ZNF385D: variants seen among roughly 807,000 people sequenced by gnomAD.
ZNF385D encodes zinc finger protein 659.
In ZNF385D, 15 loss-of-function variants were observed where a neutral mutation model predicts 35.8. The observed-to-expected ratio is 0.42, with a 90% CI of 0.28 to 0.64. The LOEUF is 0.64. ZNF385D is among the 30% of genes least tolerant of loss of function. The pLI is 0.23. For synonymous variants in ZNF385D, 212 were observed against 186.8 expected, an observed-to-expected ratio of 1.13 and a Z score of -1.10; for missense variants, 474 against 494.6, an observed-to-expected ratio of 0.96 and a Z score of 0.39.
At chr3:21,537,281 T>C (rs556388782) in intron 3 of ZNF385D, among the ~76,000 whole-genome samples, 2 of 151,714 alleles carry the variant, frequency 1.3e-5, no homozygotes, top group South Asian at 2.1e-4. Flanking sequence ...TACAGGTGCC[T>C]GCCACCACAC....
intron 2 of ZNF385D, among the ~76,000 whole-genome samples, chr3:22,317,104 C>A (rs995688462): frequency 1.3e-5 from 2 of 151,404 alleles, no homozygotes; most frequent in Non-Finnish European, 2.9e-5. Context: ...ATGGAGAAAC[C>A]CCTTCTCTAC....
At chr3:22,178,991 T>C (rs1163021440) in intron 2 of ZNF385D, among the ~76,000 whole-genome samples, 1 of 152,138 alleles carries the variant, frequency 6.6e-6, no homozygotes, top group African/African-American at 2.4e-5. Context: ...ACAGTAGCCT[T>C]GTAGTATAGT....
intron 2 of ZNF385D, among the ~76,000 whole-genome samples, chr3:22,183,038 A>C (rs1695390178): frequency 6.6e-6 from 1 of 152,152 alleles, no homozygotes; most frequent in South Asian, 2.1e-4. Context: ...AGACCTGAAA[A>C]GGAGGCAAGG....
At chr3:21,912,535 C>G (rs572476121) in intron 3 of ZNF385D, among the ~76,000 whole-genome samples, 31 of 152,048 alleles carry the variant, frequency 2.0e-4, no homozygotes, top group African/African-American at 6.5e-4. Flanking sequence ...TGCTTTGAAC[C>G]AGGCATTGTG....
intron 3 of ZNF385D, among the ~76,000 whole-genome samples, chr3:22,043,607 G>C (rs1304692810): frequency 8.3e-6 from 1 of 120,710 alleles, no homozygotes; most frequent in African/African-American, 3.0e-5. Flanking sequence ...AGACATTATA[G>C]TCCCTGCCTT....
chr3:22,204,634 G>C (rs1381012961), intron 2 of ZNF385D, among the ~76,000 whole-genome samples: 1 of 152,038 alleles, frequency 6.6e-6, no homozygotes. Context: ...AAAGAATTTA[G>C]AATTCTACCA....
intron 2 of ZNF385D, among the ~76,000 whole-genome samples, chr3:22,341,128 G>GAAAGTTT (rs1460549087): frequency 6.6e-6 from 1 of 152,152 alleles, no homozygotes; most frequent in East Asian, 1.9e-4. Flanking sequence ...AAGATTTCAA[G>GAAAGTTT]AAAGTTTATT....
intron 3 of ZNF385D, among the ~76,000 whole-genome samples, chr3:21,964,241 T>C (rs562821253): frequency 2.0e-5 from 3 of 151,828 alleles, no homozygotes; most frequent in Admixed American, 2.0e-4. Flanking sequence ...TCTCCTTCTG[T>C]GTCTCCTTCA....
At chr3:22,126,292 G>T (rs1259659402) in intron 3 of ZNF385D, among the ~76,000 whole-genome samples, 1 of 138,144 alleles carries the variant, frequency 7.2e-6, no homozygotes, top group African/African-American at 2.7e-5. Context: ...GCATCATTAG[G>T]TTATGTATTT....
At chr3:22,305,857 C>A (rs1559509633) in intron 2 of ZNF385D, among the ~76,000 whole-genome samples, 1 of 152,146 alleles carries the variant, frequency 6.6e-6, no homozygotes, top group African/African-American at 2.4e-5. Flanking sequence ...TGTGTTGTTA[C>A]AATTGTTTTG....
chr3:22,139,573 C>G (rs996837882), intron 3 of ZNF385D, among the ~76,000 whole-genome samples: 9 of 148,780 alleles, frequency 6.0e-5, no homozygotes, highest in African/African-American at 1.8e-4. Context: ...AATGAGAACA[C>G]ATGGACACAG....
chr3:22,172,648 T>G (rs1300819956), intron 2 of ZNF385D, among the ~76,000 whole-genome samples: 1 of 151,986 alleles, frequency 6.6e-6, no homozygotes, highest in Non-Finnish European at 1.5e-5. Context: ...GAATCAAAAG[T>G]TGTAGACACA....
At chr3:22,254,458 T>C (rs572261188) in intron 2 of ZNF385D, among the ~76,000 whole-genome samples, 2 of 151,954 alleles carry the variant, frequency 1.3e-5, no homozygotes, top group Non-Finnish European at 2.9e-5. Context: ...ACCTAGCAAG[T>C]ATCTTCCATG....
At position 21,968,685 on chromosome 3, in the gene ZNF385D, G is replaced by A. The variant is rs542328444; in HGVS notation, c.325+200132C>T. On this transcript the variant is annotated intron_variant, in intron 3 of 5. Transcript: ENST00000494108. ...CAGCATTCATCACCTACTGACTAGA[G>A]AGCTCTTGGGCCCTAAATAATCAGC... 5.9e-5 allele frequency among the ~76,000 whole-genome samples: 9 copies of A among 152,330 alleles called. No individual in the cohort carries two copies. In the South Asian group the frequency reaches 6.2e-4, roughly 11 times the overall value.
chr3:22,158,323 G>A (rs1705721190), intron 3 of ZNF385D, among the ~76,000 whole-genome samples: 1 of 152,080 alleles, frequency 6.6e-6, no homozygotes, highest in Non-Finnish European at 1.5e-5. Flanking sequence ...ATATTCTGAA[G>A]TTCTATTGGA....
At chr3:21,758,986 A>AC in intron 3 of ZNF385D, among the ~76,000 whole-genome samples, 1 of 144,472 alleles carries the variant, frequency 6.9e-6, no homozygotes, top group Non-Finnish European at 1.5e-5. Context: ...AAAAAAAAAA[A>AC]AAAAAAAAAA....
intron 3 of ZNF385D, chr3:22,168,699 A>T: frequency 1.7e-6 from 1 of 583,686 alleles, no homozygotes; most frequent in Non-Finnish European, 2.2e-6. Flanking sequence ...TAAAAATTTT[A>T]AGTAATATTT....
At chr3:21,970,919 A>G (rs1431142225) in intron 3 of ZNF385D, among the ~76,000 whole-genome samples, 1 of 152,012 alleles carries the variant, frequency 6.6e-6, no homozygotes, top group Non-Finnish European at 1.5e-5. Context: ...GGCATATTTA[A>G]AGTGCAAAAG....
intron 3 of ZNF385D, among the ~76,000 whole-genome samples, chr3:22,107,259 G>A (rs898484196): frequency 2.0e-5 from 3 of 151,860 alleles, no homozygotes; most frequent in Non-Finnish European, 2.9e-5. Context: ...CCGACCTCAG[G>A]TGATTTGCCT....
Sources: allele counts gnomAD v4.1 joint callset (sites outside exome capture counted in the v4.1 genomes callset), GRCh38; gene constraint gnomAD v4.1.1; transcripts MANE v1.5; gene names NCBI Gene and HGNC (gene_info 2026-07-23, HGNC 2026-07-21).